ENOX1: variants seen among roughly 807,000 people sequenced by gnomAD.
ENOX1 encodes ecto-NOX disulfide-thiol exchanger 1.
In ENOX1, 42 loss-of-function variants were observed where a neutral mutation model predicts 82.5. That is an observed-to-expected ratio of 0.51 (90% CI 0.40 to 0.66). The LOEUF (loss-of-function observed/expected upper bound fraction) is 0.66. ENOX1 is among the 30% of genes least tolerant of loss of function. The pLI is 0.00. For synonymous variants in ENOX1, 271 were observed against 282.2 expected, an observed-to-expected ratio of 0.96 and a Z score of 0.40; for missense variants, 608 against 811.6, an observed-to-expected ratio of 0.75 and a Z score of 3.05.
At chr13:43,588,274 T>C (rs950048725) in intron 2 of ENOX1, among the ~76,000 whole-genome samples, 72 of 152,326 alleles carry the variant, frequency 4.7e-4, no homozygotes, top group African/African-American at 1.6e-3. Context: ...GCAAAATGTA[T>C]AGATAAGTGC....
intron 1 of ENOX1, among the ~76,000 whole-genome samples, chr13:43,766,059 C>CTTCCATTGA (rs1310179961): frequency 6.6e-6 from 1 of 152,180 alleles, no homozygotes; most frequent in African/African-American, 2.4e-5. Context: ...TGTGCTTCTC[C>CTTCCATTGA]TTCCATTGAT....
intron 2 of ENOX1, among the ~76,000 whole-genome samples, chr13:43,601,589 C>T (rs1202757343): frequency 6.6e-6 from 1 of 151,978 alleles, no homozygotes; most frequent in Non-Finnish European, 1.5e-5. Context: ...AGTCATTGGC[C>T]TTAAAGAAGA....
intron 5 of ENOX1, among the ~76,000 whole-genome samples, chr13:43,383,077 G>A: frequency 6.6e-6 from 1 of 152,064 alleles, no homozygotes; most frequent in East Asian, 1.9e-4. Context: ...AGCATATTGG[G>A]GATTATGGAT....
intron 3 of ENOX1, among the ~76,000 whole-genome samples, chr13:43,450,802 A>G (rs1350426256): frequency 6.6e-6 from 1 of 152,146 alleles, no homozygotes; most frequent in Non-Finnish European, 1.5e-5. Flanking sequence ...GATGTTTGCT[A>G]TCTCTAGGTA....
At chr13:43,367,735 AGGGTGGGGGGTG>A (rs2050942295) in intron 5 of ENOX1, among the ~76,000 whole-genome samples, 1 of 72,292 alleles carries the variant, frequency 1.4e-5, no homozygotes, top group Non-Finnish European at 2.6e-5. Flanking sequence ...AATGGGGTTG[AGGGTGGGGGGTG>A]GGGTGGGTGC....
intron 1 of ENOX1, among the ~76,000 whole-genome samples, chr13:43,699,459 G>C (rs141706005): frequency 1.3e-4 from 20 of 152,266 alleles, no homozygotes; most frequent in African/African-American, 4.8e-4. Flanking sequence ...GAATACTAAA[G>C]AACTTTTCTC....
chr13:43,650,049 C>G (rs560047663), intron 2 of ENOX1, among the ~76,000 whole-genome samples: 1 of 152,180 alleles, frequency 6.6e-6, no homozygotes. Context: ...CCTCTGACAA[C>G]GTTCTCACGG....
At chr13:43,439,041 C>CTTTTT (rs61212622) in intron 3 of ENOX1, among the ~76,000 whole-genome samples, 16,854 of 119,356 alleles carry the variant, frequency 0.14, 1,508 homozygotes, top group Non-Finnish European at 0.21. Flanking sequence ...GTCTTTTAAT[C>CTTTTT]TTTTTTTTTT....
At chr13:43,304,042 G>T (rs2046728409) in intron 11 of ENOX1, among the ~76,000 whole-genome samples, 1 of 152,124 alleles carries the variant, frequency 6.6e-6, no homozygotes, top group African/African-American at 2.4e-5. Flanking sequence ...ATCTCCTTTT[G>T]TATGAGCCCC....
chr13:43,407,593 C>G (rs913343143), intron 5 of ENOX1, among the ~76,000 whole-genome samples: 1 of 152,156 alleles, frequency 6.6e-6, no homozygotes, highest in South Asian at 2.1e-4. Flanking sequence ...TTTTTAAAGG[C>G]TAAATTAAGT....
At chr13:43,442,172 T>C (rs975289768) in intron 3 of ENOX1, among the ~76,000 whole-genome samples, 1 of 152,166 alleles carries the variant, frequency 6.6e-6, no homozygotes, top group Admixed American at 6.5e-5. Flanking sequence ...TGGGTATTAG[T>C]GCAGGCTGGT....
intron 2 of ENOX1, among the ~76,000 whole-genome samples, chr13:43,534,993 T>G (rs1377219740): frequency 6.6e-6 from 1 of 152,228 alleles, no homozygotes; most frequent in African/African-American, 2.4e-5. Flanking sequence ...TTTGCATTCA[T>G]GTACAGTTTT....
At chr13:43,582,765 G>A (rs898419764) in intron 2 of ENOX1, among the ~76,000 whole-genome samples, 17 of 151,944 alleles carry the variant, frequency 1.1e-4, no homozygotes, top group Non-Finnish European at 1.3e-4. Flanking sequence ...TGGAAGAGAC[G>A]GGGTCTTGCT....
intron 3 of ENOX1, among the ~76,000 whole-genome samples, chr13:43,480,380 T>C (rs1470643671): frequency 6.6e-6 from 1 of 152,184 alleles, no homozygotes; most frequent in Non-Finnish European, 1.5e-5. Context: ...CTCTAAAACT[T>C]AAGTGAAATG....
intron 2 of ENOX1, among the ~76,000 whole-genome samples, chr13:43,586,672 T>C (rs145591056): frequency 1.4e-3 from 216 of 152,304 alleles, no homozygotes; most frequent in African/African-American, 5.0e-3. Context: ...TTTCAGCTCA[T>C]ATTTGGCTTT....
intron 1 of ENOX1, among the ~76,000 whole-genome samples, chr13:43,755,666 C>T (rs532424324): frequency 1.3e-5 from 2 of 152,344 alleles, no homozygotes; most frequent in South Asian, 4.1e-4. Flanking sequence ...CTCCTAACAT[C>T]TGGTACATAT....
intron 2 of ENOX1, among the ~76,000 whole-genome samples, chr13:43,567,465 T>C (rs977088827): frequency 2.0e-5 from 3 of 152,110 alleles, no homozygotes; most frequent in East Asian, 1.9e-4. Flanking sequence ...GGACAAATCA[T>C]ATCCAGGAAA....
At chr13:43,525,261 C>G (rs2077939160) in intron 2 of ENOX1, among the ~76,000 whole-genome samples, 1 of 152,104 alleles carries the variant, frequency 6.6e-6, no homozygotes, top group Admixed American at 6.6e-5. Flanking sequence ...GACAATAACT[C>G]CCCATTCTTC....
At chr13:43,506,011 C>T (rs2077146372) in intron 2 of ENOX1, among the ~76,000 whole-genome samples, 2 of 152,016 alleles carry the variant, frequency 1.3e-5, no homozygotes, top group Non-Finnish European at 2.9e-5. Flanking sequence ...AACAGGGAAT[C>T]TTTTCCCCAT....
Sources: allele counts gnomAD v4.1 joint callset (sites outside exome capture counted in the v4.1 genomes callset), GRCh38; gene constraint gnomAD v4.1.1; transcripts MANE v1.5; gene names NCBI Gene and HGNC (gene_info 2026-07-23, HGNC 2026-07-21).